The following COL23A1 variants were observed in gnomAD, a reference collection of about 807,000 sequenced individuals.
The protein encoded by COL23A1 is collagen alpha-1(XXIII) chain.
A neutral mutation model predicts 99.3 loss-of-function variants in COL23A1; 97 were observed. That is an observed-to-expected ratio of 0.98 (90% CI 0.83 to 1.16). The LOEUF (loss-of-function observed/expected upper bound fraction) is 1.16. Ranked by LOEUF, COL23A1 falls within the 50% of genes most tolerant of loss-of-function variation. The pLI is 0.00. For synonymous variants in COL23A1, 320 were observed against 308.2 expected, an observed-to-expected ratio of 1.04 and a Z score of -0.40; for missense variants, 762 against 757.4, an observed-to-expected ratio of 1.01 and a Z score of -0.07.
intron 2 of COL23A1, among the ~76,000 whole-genome samples, chr5:178,524,542 T>C (rs1031052729): frequency 9.2e-5 from 14 of 152,244 alleles, no homozygotes; most frequent in Non-Finnish European, 2.1e-4. Context: ...AAATAACCCA[T>C]GCTCAGCACA....
At position 178,337,883 on chromosome 5, in the gene COL23A1, T is replaced by C. The variant is rs760054399; in HGVS notation, c.362-30964A>G. 3.5e-4 allele frequency among the ~76,000 whole-genome samples: 54 copies of C among 152,346 alleles called. 1 individual carries two copies. Among genetic ancestry groups the C allele is most frequent in the Non-Finnish European group, 5.7e-4 (39 of 68,040 alleles). ...TTTATGATATTATACAATCTATTTGTTTATATATTTTTTCATTATTATTGT... is the reference window on the plus strand; with the variant it reads ...TTTATGATATTATACAATCTATTTGCTTATATATTTTTTCATTATTATTGT... On this transcript the variant is annotated intron_variant, in intron 2 of 28. Coordinates refer to ENST00000390654, the MANE Select transcript of COL23A1 (RefSeq NM_173465.4).
intron 2 of COL23A1, among the ~76,000 whole-genome samples, chr5:178,318,421 G>C (rs1759093344): frequency 1.3e-5 from 2 of 152,196 alleles, no homozygotes; most frequent in South Asian, 4.1e-4. Context: ...CAGACCCTTC[G>C]GCCCAGGCAG....
intron 2 of COL23A1, among the ~76,000 whole-genome samples, chr5:178,323,689 G>A (rs1169230890): frequency 2.0e-5 from 3 of 152,284 alleles, no homozygotes; most frequent in African/African-American, 4.8e-5. Flanking sequence ...GCTGCTTCTA[G>A]AGCTCTTCGG....
chr5:178,257,392 C>G (rs1765365132), intron 13 of COL23A1, 131 bp downstream of exon 13: 2 of 1,091,850 alleles, frequency 1.8e-6, no homozygotes, highest in Admixed American at 2.0e-5. Flanking sequence ...TCCTCTGCCT[C>G]TCTCCGGCCT....
In COL23A1 at chr5:178,300,332, C is replaced by T. The variant is rs1042985602; in HGVS notation, c.406+6543G>A. On this transcript the variant is annotated intron_variant, in intron 3 of 28. Coordinates refer to ENST00000390654, the MANE Select transcript of COL23A1 (RefSeq NM_173465.4). ...CCACCCGCCTCAGCCTCCCAAAATG[C>T]TGGGATTACAGGCATGAGCCACTGC... 5.3e-5 allele frequency among the ~76,000 whole-genome samples: 8 copies of T among 152,192 alleles called. No individual in the cohort carries two copies. The East Asian group carries it at 1.4e-3, about 26-fold the overall frequency.
At chr5:178,466,505 C>A (rs1756430723) in intron 2 of COL23A1, among the ~76,000 whole-genome samples, 1 of 152,200 alleles carries the variant, frequency 6.6e-6, no homozygotes, top group South Asian at 2.1e-4. Context: ...GCATCCCTGG[C>A]CTTACTACTT....
At chr5:178,564,556 G>A (rs972226833) in intron 1 of COL23A1, among the ~76,000 whole-genome samples, 1 of 152,124 alleles carries the variant, frequency 6.6e-6, no homozygotes, top group Non-Finnish European at 1.5e-5. Context: ...ATGCAAACAA[G>A]TCCTGACTCT....
intron 2 of COL23A1, among the ~76,000 whole-genome samples, chr5:178,358,019 T>C (rs62644428): frequency 7.0e-6 from 1 of 142,746 alleles, no homozygotes; most frequent in South Asian, 2.4e-4. Context: ...TGTGTGTATG[T>C]GTGTGTATGC....
rs1463994884 is a variant in COL23A1, at chr5:178,280,948, TGGGACACTCACG to T, written c.441+7364_441+7375del. On this transcript the variant is annotated intron_variant, in intron 5 of 28. Transcript: ENST00000390654. This position sits in a 1 kb window ranked among gnomAD's most constrained non-coding sequence, Gnocchi z 4.9. ...CCTCCTGTGAATGGGCTGCCCCACATGGGACACTCACGGGGACACTGGGGACACAGTGCTGGA... is the reference window on the plus strand; with the variant it reads ...CCTCCTGTGAATGGGCTGCCCCACATGGGACACTGGGGACACAGTGCTGGA... Among the ~76,000 whole-genome samples, 1 of 152,122 alleles carries T rather than the reference TGGGACACTCACG, an allele frequency of 6.6e-6. No homozygotes were observed. The highest frequency in any genetic ancestry group is 1.9e-4 in the East Asian group (1 of 5,170).
chr5:178,331,931 G>A (rs1266571117), intron 2 of COL23A1, among the ~76,000 whole-genome samples: 1 of 152,212 alleles, frequency 6.6e-6, no homozygotes, highest in African/African-American at 2.4e-5. Flanking sequence ...CTAGAGGGTG[G>A]GCACAGCTGC....
chr5:178,245,921 A>G (rs1764667970), intron 25 of COL23A1, 21 bp downstream of exon 25: 4 of 1,613,928 alleles, frequency 2.5e-6, no homozygotes, highest in Non-Finnish European at 3.4e-6. Context: ...CAATTACTCA[A>G]AGTGATGATA....
chr5:178,474,015 G>A (rs1424811248), intron 2 of COL23A1, among the ~76,000 whole-genome samples: 1 of 152,122 alleles, frequency 6.6e-6, no homozygotes, highest in African/African-American at 2.4e-5. Flanking sequence ...CCTCACCCCC[G>A]GCCACAGGAA....
In COL23A1 at chr5:178,365,917, G is replaced by A. The variant is rs183293130; in HGVS notation, c.362-58998C>T. Among the ~76,000 whole-genome samples, 1 of 152,226 alleles carries A rather than the reference G, an allele frequency of 6.6e-6. No homozygotes were observed. Among genetic ancestry groups the A allele is most frequent in the African/African-American group, 2.4e-5 (1 of 41,532 alleles). Reference sequence around the variant, plus strand: ...GGAGTCAGTGAACACAGCAGGAAGGGGGGATGGTCAAGCGCACCACAGGCT... The same window carrying A: ...GGAGTCAGTGAACACAGCAGGAAGGAGGGATGGTCAAGCGCACCACAGGCT... On this transcript the variant is annotated intron_variant, in intron 2 of 28. Transcript: ENST00000390654. The surrounding 1 kb of genome is among the most constrained non-coding windows in gnomAD (Gnocchi z 5.2).
At chr5:178,548,310 C>T (rs1189383390) in intron 2 of COL23A1, among the ~76,000 whole-genome samples, 1 of 151,968 alleles carries the variant, frequency 6.6e-6, no homozygotes, top group African/African-American at 2.4e-5. Flanking sequence ...TTGCATATCT[C>T]CTCTCATATG....
chr5:178,438,485 T>C (rs1027852433), intron 2 of COL23A1, among the ~76,000 whole-genome samples: 1 of 152,184 alleles, frequency 6.6e-6, no homozygotes, highest in African/African-American at 2.4e-5. Context: ...CATCCCTGTA[T>C]CTGACTGGTG....
chr5:178,425,467 AAAAATAAAAT>A, intron 2 of COL23A1, among the ~76,000 whole-genome samples: 1 of 150,512 alleles, frequency 6.6e-6, no homozygotes, highest in African/African-American at 2.4e-5. Context: ...ATAAATAAAT[AAAAATAAAAT>A]AAAGCCAATG....
chr5:178,501,764 T>G (rs537030105), intron 2 of COL23A1, among the ~76,000 whole-genome samples: 1 of 152,240 alleles, frequency 6.6e-6, no homozygotes, highest in South Asian at 2.1e-4. Flanking sequence ...GGCCTTCATG[T>G]GAGCAGGCCA....
At chr5:178,486,832 G>C (rs1318001035) in intron 2 of COL23A1, among the ~76,000 whole-genome samples, 1 of 152,166 alleles carries the variant, frequency 6.6e-6, no homozygotes, top group East Asian at 1.9e-4. Flanking sequence ...ACTGTGTCTC[G>C]CCTTGGACTT....
At chr5:178,566,551 C>T (rs1013618196) in intron 1 of COL23A1, among the ~76,000 whole-genome samples, 15 of 152,060 alleles carry the variant, frequency 9.9e-5, no homozygotes, top group Admixed American at 5.2e-4. Context: ...TGTGGTGGCT[C>T]GCGCCTGTAA....
Sources: gnomAD v4.1 joint callset for allele counts (sites outside exome capture counted in the v4.1 genomes callset) on GRCh38, gnomAD v4.1.1 for gene constraint, Gnocchi (gnomAD v3.1) non-coding constraint, MANE v1.5 for transcripts, NCBI Gene and HGNC (gene_info 2026-07-23, HGNC 2026-07-21) for gene names.